The following XKR4 variants were observed in gnomAD, a reference collection of about 807,000 sequenced individuals.
The protein encoded by XKR4 is XK related 4.
A neutral mutation model predicts 53.9 loss-of-function variants in XKR4; 12 were observed. The observed-to-expected ratio is 0.22, with a 90% CI of 0.14 to 0.36. The LOEUF is 0.36. Among genes scored for constraint, XKR4 ranks in the 10% least tolerant of loss-of-function variants. The pLI is 1.00. For missense variants in XKR4, 799 were observed against 859.5 expected (o/e 0.93, Z 0.88); for synonymous variants, 354 against 362.4 (o/e 0.98, Z 0.26).
At chr8:55,464,457 T>G (rs12675020) in intron 2 of XKR4, among the ~76,000 whole-genome samples, 62,604 of 151,968 alleles carry the variant, frequency 0.41, 13,555 homozygotes, top group East Asian at 0.53. Context: ...CAATAAATTA[T>G]GTATTGATGG....
chr8:55,218,871 G>A (rs1338205423), intron 1 of XKR4, among the ~76,000 whole-genome samples: 2 of 152,180 alleles, frequency 1.3e-5, no homozygotes, highest in Non-Finnish European at 2.9e-5. Context: ...AGAGCTGTTA[G>A]TGTTCTGTAG....
intron 2 of XKR4, among the ~76,000 whole-genome samples, chr8:55,385,266 T>C (rs1050408130): frequency 2.0e-5 from 3 of 152,152 alleles, no homozygotes; most frequent in Admixed American, 2.0e-4. Context: ...AAATACCACC[T>C]ATGCAAAGGC....
intron 2 of XKR4, among the ~76,000 whole-genome samples, chr8:55,470,676 A>T (rs1457918805): frequency 6.6e-6 from 1 of 152,202 alleles, no homozygotes; most frequent in Non-Finnish European, 1.5e-5. Flanking sequence ...GAAGGGACTT[A>T]CATGTCTTAC....
At chr8:55,330,384 G>A (rs1469629873) in intron 1 of XKR4, among the ~76,000 whole-genome samples, 1 of 151,916 alleles carries the variant, frequency 6.6e-6, no homozygotes, top group East Asian at 1.9e-4. Flanking sequence ...CAAGAAATGT[G>A]GATTAAATGA....
chr8:55,343,964 G>C (rs1220870106), intron 1 of XKR4, among the ~76,000 whole-genome samples: 1 of 152,198 alleles, frequency 6.6e-6, no homozygotes, highest in African/African-American at 2.4e-5. Flanking sequence ...AGATGAGATG[G>C]GGTGTGGCAG....
intron 1 of XKR4, among the ~76,000 whole-genome samples, chr8:55,275,509 A>T (rs974551455): frequency 1.3e-5 from 2 of 152,182 alleles, no homozygotes; most frequent in African/African-American, 4.8e-5. Flanking sequence ...TTTGGGTGTA[A>T]TTAAGCTAGA....
Position 55,250,705 on chromosome 8 carries a change from T to C in XKR4, c.807-106973T>C, listed in dbSNP as rs192026101. ...TAAGACATTCTTTGGCTGCTCATCA[T>C]CTTATTTGAAATGGAAAAAAATGTA... On this transcript the variant is annotated intron_variant, in intron 1 of 2. Transcript: ENST00000327381. Among the ~76,000 whole-genome samples the C allele has an allele frequency of 6.6e-5, 10 of 152,374 alleles. No homozygotes were observed. The East Asian group carries it at 1.9e-3, about 29-fold the overall frequency.
rs58724163 is a variant in XKR4 at position 55,318,097 on chromosome 8, T to C, written c.807-39581T>C. On this transcript the variant is annotated intron_variant, in intron 1 of 2. Transcript: ENST00000327381. Reference sequence around the variant, plus strand: ...GCTTAATGCTAAGTTGCCTCAATTGTTGGCTTGAATCAATGTCTTCTGACA... The same window carrying C: ...GCTTAATGCTAAGTTGCCTCAATTGCTGGCTTGAATCAATGTCTTCTGACA... Among the ~76,000 whole-genome samples the C allele has an allele frequency of 4.8e-3, 724 of 152,322 alleles. 6 individuals are homozygous for C. The highest frequency in any genetic ancestry group is 0.016 in the African/African-American group (657 of 41,574).
intron 1 of XKR4, among the ~76,000 whole-genome samples, chr8:55,122,692 T>C (rs1816407615): frequency 6.6e-6 from 1 of 152,218 alleles, no homozygotes; most frequent in Non-Finnish European, 1.5e-5. Flanking sequence ...AGATGAATGC[T>C]CTGAAATTCC....
intron 2 of XKR4, among the ~76,000 whole-genome samples, chr8:55,401,512 C>T (rs533738646): frequency 3.9e-4 from 60 of 152,326 alleles, no homozygotes; most frequent in African/African-American, 8.7e-4. Flanking sequence ...TCCACAGCTG[C>T]GGCTATAGCT....
intron 2 of XKR4, chr8:55,451,638 C>A: frequency 1.3e-6 from 2 of 1,553,062 alleles, no homozygotes; most frequent in East Asian, 2.3e-5. Flanking sequence ...AGGACACGCG[C>A]TGCAGGGCGT....
chr8:55,512,242 TC>T (rs1231737422), intron 2 of XKR4, among the ~76,000 whole-genome samples: 9 of 152,140 alleles, frequency 5.9e-5, no homozygotes, highest in African/African-American at 2.2e-4. Flanking sequence ...AGGGTCCCCT[TC>T]CCTCTGGCAC....
chr8:55,127,240 CTT>C (rs56093804), intron 1 of XKR4, among the ~76,000 whole-genome samples: 117,588 of 143,552 alleles, frequency 0.82, 47,936 homozygotes, highest in East Asian at 0.91. Flanking sequence ...GTGCCTAACT[CTT>C]TTTTTTTTTT....
rs114075540 is a variant in XKR4, at chr8:55,511,714, T to G, written c.1007-11567T>G. Among the ~76,000 whole-genome samples, 664 of 152,358 alleles carry G rather than the reference T, an allele frequency of 4.4e-3. 8 individuals carry two copies. Among genetic ancestry groups the G allele is most frequent in the African/African-American group, 0.015 (616 of 41,580 alleles). On this transcript the variant is annotated intron_variant, in intron 2 of 2. Coordinates refer to ENST00000327381, the MANE Select transcript of XKR4 (RefSeq NM_052898.2). The stretch of plus-strand genomic sequence containing the variant: ...AGGCCTTTAAGCCAATAATATTAAG[T>G]ACACATTCTGCACAGGTAAATAATG...
rs552647445 is a variant in XKR4 at position 55,450,040 on chromosome 8, G to T, written c.1007-73241G>T. The T allele has an allele frequency of 1.7e-5, 13 of 781,180 alleles. No homozygotes were observed. In the African/African-American group the frequency reaches 1.7e-4, roughly 10 times the overall value. The allele number at this position is 781,180 out of a possible 1,614,324, so 48.4% of individuals were successfully genotyped here. On this transcript the variant is annotated intron_variant, in intron 2 of 2. Coordinates refer to ENST00000327381, the MANE Select transcript of XKR4 (RefSeq NM_052898.2). ...GGTGGACACTAGGAGGGAGCTAGGG[G>T]TGCCACGTCCATCTGGCCGGGCTTC...
At chr8:55,160,127 G>A (rs997060276) in intron 1 of XKR4, among the ~76,000 whole-genome samples, 1 of 152,188 alleles carries the variant, frequency 6.6e-6, no homozygotes. Context: ...GAAGCATAAG[G>A]GTGTAGTCAT....
intron 2 of XKR4, among the ~76,000 whole-genome samples, chr8:55,429,135 A>C (rs1003851114): frequency 2.0e-5 from 3 of 152,222 alleles, no homozygotes; most frequent in African/African-American, 7.2e-5. Context: ...TATCAAACTG[A>C]TGTTTTGTGA....
intron 2 of XKR4, among the ~76,000 whole-genome samples, chr8:55,474,060 A>G (rs1805937305): frequency 6.6e-6 from 1 of 151,976 alleles, no homozygotes; most frequent in Non-Finnish European, 1.5e-5. Flanking sequence ...GCACATCACC[A>G]CACCCAACTG....
At chr8:55,152,574 A>T (rs1816853501) in intron 1 of XKR4, among the ~76,000 whole-genome samples, 1 of 152,226 alleles carries the variant, frequency 6.6e-6, no homozygotes, top group Non-Finnish European at 1.5e-5. Flanking sequence ...TTTTTAATTG[A>T]TTCTTTCCAA....
Sources: allele counts gnomAD v4.1 joint callset (sites outside exome capture counted in the v4.1 genomes callset), GRCh38; gene constraint gnomAD v4.1.1; transcripts MANE v1.5; gene names NCBI Gene and HGNC (gene_info 2026-07-23, HGNC 2026-07-21).